The following FGF14 variants were observed in gnomAD, a reference collection of about 807,000 sequenced individuals.
The protein encoded by FGF14 is fibroblast growth factor 14.
A neutral mutation model predicts 25.5 loss-of-function variants in FGF14; 5 were observed. The ratio of observed to expected loss-of-function variants is 0.20; its 90% CI spans 0.10 to 0.41. FGF14 has a LOEUF of 0.41. Ranked by LOEUF, FGF14 falls within the 10% of genes least tolerant of loss-of-function variation. The probability of loss-of-function intolerance (pLI) is 1.00; values close to 1 mark genes in which losing one functional copy is unlikely to be tolerated. For synonymous variants in FGF14, 138 were observed against 118.3 expected (o/e 1.17, Z -1.08); for missense variants, 222 against 320.1 (o/e 0.69, Z 2.34).
chr13:101,779,754 T>C (rs9518542), intron 3 of FGF14, among the ~76,000 whole-genome samples: 64,115 of 151,966 alleles, frequency 0.42, 15,457 homozygotes, highest in Non-Finnish European at 0.54. Flanking sequence ...CAAGGTAATT[T>C]GACATTTTTA....
Position 102,161,602 on chromosome 13 carries a change from AAG to A in FGF14, c.208+239867_208+239868del, listed in dbSNP as rs1212537307. Reference sequence around the variant, plus strand: ...GAAGAAGAAGAAGAAGAAGAAGAAGAAGAAGAAGAAGAAGAAGAAGAAGAAGA... The same window carrying A: ...GAAGAAGAAGAAGAAGAAGAAGAAGAAAGAAGAAGAAGAAGAAGAAGAAGA... On this transcript the variant is annotated intron_variant, in intron 1 of 4. Transcript: ENST00000376131. Among the ~76,000 whole-genome samples the A allele has an allele frequency of 0.038, 124 of 3,294 alleles. 17 individuals carry two copies. The highest frequency in any genetic ancestry group is 0.27 in the African/African-American group (105 of 388). 2.2% of individuals were successfully genotyped at this position (3,294 alleles called of 152,430 possible).
At chr13:102,044,563 A>G (rs916745621) in intron 1 of FGF14, among the ~76,000 whole-genome samples, 3 of 152,140 alleles carry the variant, frequency 2.0e-5, no homozygotes, top group Admixed American at 2.0e-4. Context: ...AAAATTTTCT[A>G]TAAGTTTCAG....
intron 1 of FGF14, among the ~76,000 whole-genome samples, chr13:102,290,974 T>C (rs985744486): frequency 2.0e-5 from 3 of 152,170 alleles, no homozygotes; most frequent in African/African-American, 7.2e-5. Context: ...GAGCATAAGA[T>C]GTTGCAGAAA....
At chr13:102,022,570 AG>A (rs1369410066) in intron 1 of FGF14, among the ~76,000 whole-genome samples, 1 of 152,024 alleles carries the variant, frequency 6.6e-6, no homozygotes, top group Non-Finnish European at 1.5e-5. Flanking sequence ...AATTAATGGG[AG>A]GGATGCCAGA....
chr13:102,352,542 G>A (rs74112325), intron 1 of FGF14, among the ~76,000 whole-genome samples: 3,638 of 152,276 alleles, frequency 0.024, 155 homozygotes, highest in African/African-American at 0.082. Context: ...GCCGGGCGCG[G>A]TGGCTCACGC....
chr13:102,396,218 T>C (rs1036388903), intron 1 of FGF14, among the ~76,000 whole-genome samples: 15 of 152,178 alleles, frequency 9.9e-5, no homozygotes, highest in African/African-American at 3.6e-4. Context: ...TAAATAGTAT[T>C]ACCTCCACAG....
chr13:101,843,958 A>T (rs565336849), intron 3 of FGF14, among the ~76,000 whole-genome samples: 1 of 152,190 alleles, frequency 6.6e-6, no homozygotes, highest in Non-Finnish European at 1.5e-5. Context: ...AAGAACCCTA[A>T]TAGGAGACCT....
At position 101,766,102 on chromosome 13, in the gene FGF14, C is replaced by T. The variant is rs139007983; in HGVS notation, c.409-39292G>A. On this transcript the variant is annotated intron_variant, in intron 3 of 4. Coordinates refer to ENST00000376143, the MANE Select transcript of FGF14 (RefSeq NM_004115.4). Reference sequence around the variant, plus strand: ...TGTGAGCCTCAATAATTTGGAAAACCGGGCTTAATAATCATTAATCCTCAT... The same window carrying T: ...TGTGAGCCTCAATAATTTGGAAAACTGGGCTTAATAATCATTAATCCTCAT... Among the ~76,000 whole-genome samples the T allele has an allele frequency of 7.2e-5, 11 of 152,248 alleles. 1 individual carries two copies. In the South Asian group the frequency reaches 2.1e-3, roughly 29 times the overall value.
At chr13:101,988,808 T>C (rs1487911235) in intron 1 of FGF14, among the ~76,000 whole-genome samples, 6 of 152,098 alleles carry the variant, frequency 3.9e-5, no homozygotes, top group Non-Finnish European at 7.4e-5. Context: ...TATACATATG[T>C]AACAAACCTG....
chr13:101,989,997 G>T (rs1039686936), intron 1 of FGF14, among the ~76,000 whole-genome samples: 6 of 151,996 alleles, frequency 3.9e-5, no homozygotes, highest in African/African-American at 1.5e-4. Flanking sequence ...CTGTCTCACC[G>T]TTTCTTCCAA....
chr13:101,753,294 GACAGAC>G (rs1393625079), intron 3 of FGF14, among the ~76,000 whole-genome samples: 175 of 98,178 alleles, frequency 1.8e-3, no homozygotes, highest in African/African-American at 5.4e-3. Flanking sequence ...GACACACACA[GACAGAC>G]ACACACACAC....
intron 1 of FGF14, among the ~76,000 whole-genome samples, chr13:102,328,970 G>C (rs540079727): frequency 6.6e-6 from 1 of 152,178 alleles, no homozygotes; most frequent in African/African-American, 2.4e-5. Context: ...GCCTCCTACA[G>C]CCTAAGTTTA....
At chr13:102,365,234 CCACA>C (rs145216748) in intron 1 of FGF14, among the ~76,000 whole-genome samples, 1 of 151,222 alleles carries the variant, frequency 6.6e-6, no homozygotes, top group African/African-American at 2.4e-5. Context: ...TCGGGAAAGT[CCACA>C]CACACACACA....
At chr13:102,317,619 C>T (rs758779012) in intron 1 of FGF14, among the ~76,000 whole-genome samples, 4 of 151,954 alleles carry the variant, frequency 2.6e-5, no homozygotes, top group African/African-American at 4.8e-5. Context: ...AAATATAGGA[C>T]CAAATTTTTA....
At chr13:102,029,471 GA>G (rs1467912614) in intron 1 of FGF14, among the ~76,000 whole-genome samples, 17 of 152,120 alleles carry the variant, frequency 1.1e-4, no homozygotes, top group Admixed American at 7.2e-4. Context: ...TTTGAAAAAT[GA>G]AACAACTTGA....
intron 3 of FGF14, among the ~76,000 whole-genome samples, chr13:101,841,808 A>T (rs189888071): frequency 2.0e-5 from 3 of 151,784 alleles, no homozygotes; most frequent in Non-Finnish European, 4.4e-5. Flanking sequence ...TGTTTTGATC[A>T]TCTGTGTCCC....
intron 3 of FGF14, among the ~76,000 whole-genome samples, chr13:101,867,316 A>T (rs1291681921): frequency 6.6e-6 from 1 of 152,192 alleles, no homozygotes; most frequent in Admixed American, 6.6e-5. Context: ...CCACATGACA[A>T]AAAATAAATA....
chr13:101,860,554 G>A (rs2044361751), intron 3 of FGF14, among the ~76,000 whole-genome samples: 1 of 151,972 alleles, frequency 6.6e-6, no homozygotes, highest in South Asian at 2.1e-4. Flanking sequence ...AGACATGCCT[G>A]GGATATATAT....
chr13:101,989,384 G>T (rs2038773208), intron 1 of FGF14, among the ~76,000 whole-genome samples: 1 of 151,994 alleles, frequency 6.6e-6, no homozygotes, highest in Admixed American at 6.6e-5. Context: ...TTAGTTTTAT[G>T]AAAGATGGAG....
Sources: allele counts gnomAD v4.1 joint callset (sites outside exome capture counted in the v4.1 genomes callset), GRCh38; gene constraint gnomAD v4.1.1; transcripts MANE v1.5; gene names NCBI Gene and HGNC (gene_info 2026-07-23, HGNC 2026-07-21).